NCOA3: variants seen among roughly 807,000 people sequenced by gnomAD.
NCOA3 encodes CBP-interacting protein.
NCOA3 carries 51 observed loss-of-function variants against 158.8 expected under a neutral mutation model. That is an observed-to-expected ratio of 0.32 (90% CI 0.26 to 0.41). The LOEUF is 0.41. Among genes scored for constraint, NCOA3 ranks in the 10% least tolerant of loss-of-function variants. NCOA3 has a pLI of 1.00. For missense variants in NCOA3, 1,510 were observed against 1,746.6 expected (o/e 0.86, Z 2.41); for synonymous variants, 537 against 592.4 (o/e 0.91, Z 1.36).
At chr20:47,523,205 C>G (rs947206120) in intron 1 of NCOA3, among the ~76,000 whole-genome samples, 1 of 152,244 alleles carries the variant, frequency 6.6e-6, no homozygotes, top group East Asian at 1.9e-4. Flanking sequence ...CAAAAAACCA[C>G]GAAAACTTCC....
chr20:47,649,111 T>A lies in NCOA3; in HGVS notation c.3651+2T>A, dbSNP rs1384163738. On this transcript the variant is annotated splice_donor_variant, in intron 19 of 22. Coordinates refer to ENST00000371998, the MANE Select transcript of NCOA3 (RefSeq NM_181659.3). LOFTEE classifies it high-confidence loss of function. The stretch of plus-strand genomic sequence containing the variant: ...ATGCAGCCCCAGGTGAGCTCCCAGG[T>A]GAGGATGATAAGCCTCTCCACATGC... 3 of 1,606,590 alleles carry A rather than the reference T, an allele frequency of 1.9e-6. No homozygotes were observed. The African/African-American group carries it at 4.0e-5, about 22-fold the overall frequency.
chr20:47,560,323 C>T (rs1056940840), intron 1 of NCOA3, among the ~76,000 whole-genome samples: 4 of 152,182 alleles, frequency 2.6e-5, no homozygotes, highest in African/African-American at 7.2e-5. Context: ...GTGATTTGCC[C>T]GCCTTGTCTT....
Position 47,642,341 on chromosome 20 carries a change from A to C in NCOA3, c.3209A>C (p.Glu1070Ala). 1 of 1,611,020 alleles carries C rather than the reference A, an allele frequency of 6.2e-7. No individual in the cohort carries two copies. Reference protein sequence around the residue: ...LLSNTDATGLEEIDRALGIPE... With the variant: ...LLSNTDATGLAEIDRALGIPE... ...AGCAACACAGATGCCACAGGCCTGG[A>C]AGAAATTGACAGAGCTTTGGGCATT... The change falls in exon 17 of 23, where the codon GAA (glutamate) becomes GCA (alanine). Residue 1070 changes from glutamate to alanine, a missense_variant. By Grantham distance (107) the Glu-to-Ala change is moderately radical. This residue lies in a region of NCOA3 where 1,017 missense variants were observed against 1,098.3 expected (regional missense o/e 0.93). Coordinates refer to ENST00000371998, the MANE Select transcript of NCOA3 (RefSeq NM_181659.3).
chr20:47,653,068 A>T lies in NCOA3; in HGVS notation c.4259A>T (p.Asp1420Val). 1 of 1,614,224 alleles carries T rather than the reference A, an allele frequency of 6.2e-7. No individual in the cohort carries two copies. The highest frequency in any genetic ancestry group is 8.5e-7 in the Non-Finnish European group (1 of 1,180,034). ...ATGTCTGGCATGCCTATGGGTCCTG[A>T]TCAGGTATGGGATCGATTCCTTACC... is the stretch of plus-strand genomic sequence containing the variant. ...MPMSGMPMGP[D>V]QKYC The change falls in exon 22 of 23, where the codon GAT becomes GTT. Residue 1420 changes from aspartate to valine, a missense_variant. Transcript: ENST00000371998.
chr20:47,521,462 G>A (rs1347263741), intron 1 of NCOA3, among the ~76,000 whole-genome samples: 1 of 152,118 alleles, frequency 6.6e-6, no homozygotes, highest in Non-Finnish European at 1.5e-5. Flanking sequence ...TATTCCTGAC[G>A]CACGTGGCCT....
chr20:47,606,336 T>C (rs540498263), intron 2 of NCOA3, among the ~76,000 whole-genome samples: 27 of 152,382 alleles, frequency 1.8e-4, no homozygotes, highest in East Asian at 5.8e-4. Flanking sequence ...TGTTATTTGC[T>C]ATTTTCATCC....
chr20:47,523,341 C>G (rs567450207), intron 1 of NCOA3, among the ~76,000 whole-genome samples: 17 of 152,272 alleles, frequency 1.1e-4, no homozygotes, highest in African/African-American at 3.6e-4. Flanking sequence ...GAAACAGCAG[C>G]TAGGGCTCCT....
chr20:47,632,685 C>T (rs1278254208), intron 8 of NCOA3, among the ~76,000 whole-genome samples: 1 of 119,072 alleles, frequency 8.4e-6, no homozygotes, highest in African/African-American at 3.5e-5. Flanking sequence ...TGTTGCTGGC[C>T]CGAGTTTTTT....
Position 47,635,348 on chromosome 20 carries a change from C to T in NCOA3, c.1139C>T (p.Pro380Leu), listed in dbSNP as rs1246694371. 1.2e-6 allele frequency: 2 copies of T among 1,605,348 alleles called. No individual in the cohort carries two copies. Among genetic ancestry groups the T allele is most frequent in the African/African-American group, 1.3e-5 (1 of 74,700 alleles). ...GAACAGAATGGATATAGACCAAACC[C>T]AAATCCTGTTGGACAAGGGATTAGA... ...QREQNGYRPNPNPVGQGIRPP... is the reference protein window; with the variant it reads ...QREQNGYRPNLNPVGQGIRPP... Residue 380 changes from proline (P) to leucine (L), a missense_variant, in exon 11 of 23, where the codon CCA becomes CTA. Around this residue, in one of 4 missense-constraint regions of NCOA3, gnomAD observed 1,017 missense variants for 1,098.3 expected, o/e 0.93. Coordinates refer to ENST00000371998, the MANE Select transcript of NCOA3 (RefSeq NM_181659.3).
intron 1 of NCOA3, among the ~76,000 whole-genome samples, chr20:47,533,143 C>T (rs1032230032): frequency 2.8e-5 from 4 of 140,956 alleles, no homozygotes; most frequent in Non-Finnish European, 4.6e-5. Flanking sequence ...ATTAACCGGG[C>T]GTGGTGGCAG....
intron 1 of NCOA3, among the ~76,000 whole-genome samples, chr20:47,545,579 C>CT (rs1182431788): frequency 4.0e-5 from 6 of 151,066 alleles, no homozygotes; most frequent in South Asian, 2.1e-4. Flanking sequence ...TTCCCCTCTT[C>CT]TTTTTTTGTC....
rs115521286 is a variant in NCOA3, at chr20:47,627,377, T to C, written c.533-184T>C. On this transcript the variant is annotated intron_variant, in intron 6 of 22. Coordinates refer to ENST00000371998, the MANE Select transcript of NCOA3 (RefSeq NM_181659.3). ...TTAAGAGGCATATAGTTACAAAATA[T>C]GCAGTGAGATTTCTGTTAAAGTTGA... Among the ~76,000 whole-genome samples, 262 of 152,330 alleles carry C rather than the reference T, an allele frequency of 1.7e-3. 1 individual carries two copies. The highest frequency in any genetic ancestry group is 6.0e-3 in the African/African-American group (249 of 41,564).
chr20:47,604,205 T>C (rs1216330131), intron 2 of NCOA3, among the ~76,000 whole-genome samples: 1 of 152,218 alleles, frequency 6.6e-6, no homozygotes, highest in African/African-American at 2.4e-5. Context: ...GGTTTTGTTT[T>C]ACCTGTGGTT....
chr20:47,638,758 T>C (rs1261026139), intron 13 of NCOA3, among the ~76,000 whole-genome samples: 1 of 146,626 alleles, frequency 6.8e-6, no homozygotes, highest in Admixed American at 7.0e-5. Flanking sequence ...AAGTTCTCAG[T>C]ACTTCAGCCG....
intron 20 of NCOA3, 81 bp from the exon 21 acceptor site, chr20:47,652,325 A>G: frequency 1.5e-6 from 2 of 1,370,152 alleles, no homozygotes; most frequent in Admixed American, 4.3e-5. Context: ...TTTAAAAAAA[A>G]AACAAAATTA....
chr20:47,511,536 T>TCG, intron 1 of NCOA3, among the ~76,000 whole-genome samples: 1 of 23,138 alleles, frequency 4.3e-5, no homozygotes, highest in African/African-American at 8.2e-5. Flanking sequence ...TATATATATA[T>TCG]ATATATATAT....
rs534137342 is a variant in NCOA3, at chr20:47,556,135, A to G, written c.-98-27048A>G. ...TTTTTATTGGAGACAGGGTTTCACCATGTTGGCCAGGCTGGTCTCGAACTC... is the reference window on the plus strand; with the variant it reads ...TTTTTATTGGAGACAGGGTTTCACCGTGTTGGCCAGGCTGGTCTCGAACTC... On this transcript the variant is annotated intron_variant, in intron 1 of 22. Transcript: ENST00000371998. Among the ~76,000 whole-genome samples the G allele has an allele frequency of 5.3e-5, 8 of 151,260 alleles. No homozygotes were observed. In the East Asian group the frequency reaches 1.4e-3, roughly 26 times the overall value.
In NCOA3 at chr20:47,636,196, G is replaced by C; in HGVS notation, c.1810G>C (p.Glu604Gln). The C allele has an allele frequency of 6.2e-7, 1 of 1,614,212 alleles. No homozygotes were observed. Among genetic ancestry groups the C allele is most frequent in the Non-Finnish European group, 8.5e-7 (1 of 1,180,030 alleles). Residue 604 changes from glutamate (E) to glutamine (Q), a missense_variant, in exon 12 of 23, where the codon GAG becomes CAG. Physicochemically the swap from Glu to Gln is conservative, Grantham distance 29. Transcript: ENST00000371998. The stretch of plus-strand genomic sequence containing the variant: ...CAAAGAAAGTAAGGAGAGCAGTGTT[G>C]AGGGGGCAGAGAATCAAAGGGGTCC... Reference protein sequence around the residue: ...SDKESKESSVEGAENQRGPLE... With the variant: ...SDKESKESSVQGAENQRGPLE...
intron 1 of NCOA3, among the ~76,000 whole-genome samples, chr20:47,502,274 AG>A (rs1569306731): frequency 6.6e-6 from 1 of 152,054 alleles, no homozygotes; most frequent in African/African-American, 2.4e-5. Flanking sequence ...TGGGGATCCG[AG>A]GGGGTCCCCG....
Sources: allele counts gnomAD v4.1 joint callset (sites outside exome capture counted in the v4.1 genomes callset), GRCh38; gene constraint gnomAD v4.1.1; regional missense constraint gnomAD v4.1.1; transcripts MANE v1.5; gene names NCBI Gene and HGNC (gene_info 2026-07-23, HGNC 2026-07-21).